The following ANXA4 variants were observed in gnomAD, a reference collection of about 807,000 sequenced individuals.
ANXA4 encodes 35-beta calcimedin.
In ANXA4, 39 loss-of-function variants were observed where a neutral mutation model predicts 49.8. The observed-to-expected ratio is 0.78, with a 90% CI of 0.61 to 1.02. The LOEUF (loss-of-function observed/expected upper bound fraction) is 1.02. Ranked by LOEUF, ANXA4 falls within the 50% of genes least tolerant of loss-of-function variation. ANXA4 has a pLI of 0.00. For synonymous variants in ANXA4, 134 were observed against 152.5 expected (o/e 0.88, Z 0.89); for missense variants, 360 against 410.1 (o/e 0.88, Z 1.05).
chr2:69,745,365 G>T (rs190378667), intron 1 of ANXA4, among the ~76,000 whole-genome samples: 151 of 152,182 alleles, frequency 9.9e-4, no homozygotes, highest in African/African-American at 3.4e-3. Context: ...AGCTGGGAAG[G>T]GTTAGCAGAT....
At chr2:69,698,991 T>C (rs1364077860) in intron 2 of ANXA4, among the ~76,000 whole-genome samples, 1 of 152,168 alleles carries the variant, frequency 6.6e-6, no homozygotes, top group East Asian at 1.9e-4. Context: ...CAACAAAGCC[T>C]GGAAAATAGA....
At chr2:69,653,854 G>A (rs116490524) in intron 2 of ANXA4, among the ~76,000 whole-genome samples, 13,574 of 152,086 alleles carry the variant, frequency 0.089, 1,415 homozygotes, top group East Asian at 0.37. Flanking sequence ...GATAACATTG[G>A]ATCTATACAT....
At chr2:69,778,504 G>A (rs1005054388) in intron 1 of ANXA4, among the ~76,000 whole-genome samples, 6 of 152,170 alleles carry the variant, frequency 3.9e-5, no homozygotes, top group East Asian at 3.8e-4. Flanking sequence ...GGCTGGGCGC[G>A]GTGGTTCACG....
chr2:69,723,169 C>T (rs865934928), intron 3 of ANXA4, among the ~76,000 whole-genome samples: 10 of 137,184 alleles, frequency 7.3e-5, no homozygotes, highest in African/African-American at 2.4e-4. Flanking sequence ...CCAGCCTCGG[C>T]GACAGAGCAA....
At chr2:69,807,089 C>T (rs144316464) in intron 5 of ANXA4, among the ~76,000 whole-genome samples, 28 of 152,270 alleles carry the variant, frequency 1.8e-4, no homozygotes, top group African/African-American at 6.3e-4. Flanking sequence ...TCATTTACGA[C>T]AACTTGAAAA....
At chr2:69,679,836 G>T (rs80240862) in intron 2 of ANXA4, among the ~76,000 whole-genome samples, 2 of 152,020 alleles carry the variant, frequency 1.3e-5, no homozygotes, top group East Asian at 3.9e-4. Context: ...ATTTACTTCC[G>T]GATTCTGTGT....
At chr2:69,756,062 C>T (rs1671027785) in intron 1 of ANXA4, among the ~76,000 whole-genome samples, 1 of 152,324 alleles carries the variant, frequency 6.6e-6, no homozygotes, top group South Asian at 2.1e-4. Flanking sequence ...TGAAATTGGT[C>T]AGGGTGCAAA....
At chr2:69,649,603 CTTTTTTTTTTTT>C (rs766975640) in intron 1 of ANXA4, among the ~76,000 whole-genome samples, 88 of 70,664 alleles carry the variant, frequency 1.2e-3, no homozygotes, top group African/African-American at 2.1e-3. Flanking sequence ...GATTTTCTTT[CTTTTTTTTTTTT>C]TTTTTTTTTT....
intron 3 of ANXA4, among the ~76,000 whole-genome samples, chr2:69,795,582 T>C (rs2103757100): frequency 6.6e-6 from 1 of 152,336 alleles, no homozygotes; most frequent in African/African-American, 2.4e-5. Context: ...AGCCCTTTCC[T>C]GGCCTCTGGC....
intron 2 of ANXA4, among the ~76,000 whole-genome samples, chr2:69,699,227 C>CT (rs1338044668): frequency 2.0e-5 from 3 of 152,166 alleles, no homozygotes; most frequent in African/African-American, 7.2e-5. Flanking sequence ...CCAGGGTAAA[C>CT]TTTGGTCTCC....
At chr2:69,788,708 G>C (rs1464625340) in intron 3 of ANXA4, among the ~76,000 whole-genome samples, 1 of 149,934 alleles carries the variant, frequency 6.7e-6, no homozygotes, top group Admixed American at 6.6e-5. Context: ...CGTGGTGGCG[G>C]GCGCCTGTAG....
chr2:69,726,158 C>T (rs773231428), intron 3 of ANXA4, among the ~76,000 whole-genome samples: 27 of 152,132 alleles, frequency 1.8e-4, no homozygotes, highest in African/African-American at 6.0e-4. Context: ...CGGTTTCCCC[C>T]GTGATGTTCT....
chr2:69,820,816 A>T lies in ANXA4; in HGVS notation c.901A>T (p.Ile301Phe), dbSNP rs140968278. Residue 301 changes from isoleucine to phenylalanine, a missense_variant, in exon 12 of 13, where the codon ATC becomes TTC. Coordinates refer to ENST00000394295, the MANE Select transcript of ANXA4 (RefSeq NM_001153.5). ...RLYGKSLYSF[I>F]KGDTSGDYRK... ...CTATGGAAAGTCTCTGTACTCGTTC[A>T]TCAAGGTAGGTCACAGCAGCCTAAG... The T allele has an allele frequency of 6.2e-7, 1 of 1,613,954 alleles. No individual in the cohort carries two copies. Among genetic ancestry groups the T allele is most frequent in the Non-Finnish European group, 8.5e-7 (1 of 1,179,894 alleles).
chr2:69,657,986 T>C (rs898765731), intron 2 of ANXA4, among the ~76,000 whole-genome samples: 1 of 152,180 alleles, frequency 6.6e-6, no homozygotes, highest in Admixed American at 6.5e-5. Flanking sequence ...ATACTATTAC[T>C]TTTTTCTTTG....
At chr2:69,671,508 G>A (rs1002576671) in intron 2 of ANXA4, among the ~76,000 whole-genome samples, 10 of 152,206 alleles carry the variant, frequency 6.6e-5, no homozygotes, top group African/African-American at 2.4e-4. Flanking sequence ...TCTGAGGTCA[G>A]GAGTTCTAGA....
At chr2:69,672,622 A>G (rs1677233099) in intron 2 of ANXA4, among the ~76,000 whole-genome samples, 1 of 152,214 alleles carries the variant, frequency 6.6e-6, no homozygotes, top group African/African-American at 2.4e-5. Flanking sequence ...AAACAGCAAA[A>G]CCAAACAATA....
chr2:69,801,123 C>G (rs947860481), intron 3 of ANXA4, among the ~76,000 whole-genome samples: 2 of 152,138 alleles, frequency 1.3e-5, no homozygotes, highest in Non-Finnish European at 2.9e-5. Context: ...GGTTTTCAGC[C>G]TGAGCTGTAC....
chr2:69,772,400 G>A (rs1671759402), intron 1 of ANXA4, among the ~76,000 whole-genome samples: 1 of 152,258 alleles, frequency 6.6e-6, no homozygotes, highest in African/African-American at 2.4e-5. Flanking sequence ...GCATGGCACT[G>A]CGAGGCAGGT....
At chr2:69,803,867 G>C (rs1486115585) in intron 3 of ANXA4, among the ~76,000 whole-genome samples, 1 of 152,150 alleles carries the variant, frequency 6.6e-6, no homozygotes, top group East Asian at 1.9e-4. Context: ...GCTGGGCGTG[G>C]TGTCTCACAC....
Sources: allele counts gnomAD v4.1 joint callset (sites outside exome capture counted in the v4.1 genomes callset), GRCh38; gene constraint gnomAD v4.1.1; transcripts MANE v1.5; gene names NCBI Gene and HGNC (gene_info 2026-07-23, HGNC 2026-07-21).